Variants in NLRP5 observed in about 807,000 individuals in gnomAD.
NLRP5 encodes the protein NLR family pyrin domain containing 5.
NLRP5 carries 93 observed loss-of-function variants against 113.1 expected under a neutral mutation model. That is an observed-to-expected ratio of 0.82 (90% confidence interval 0.70 to 0.98). The LOEUF (loss-of-function observed/expected upper bound fraction) is 0.98. Ranked by LOEUF, NLRP5 falls within the 50% of genes least tolerant of loss-of-function variation. NLRP5 has a pLI of 0.00. For synonymous variants in NLRP5, 751 were observed against 600.7 expected, an observed-to-expected ratio of 1.25 and a Z score of -3.66; for missense variants, 1,808 against 1,514.3, an observed-to-expected ratio of 1.19 and a Z score of -3.22.
At chr19:55,990,376 G>A in the NLRP5 span, among the ~76,000 whole-genome samples, 1 of 151,882 alleles carries the variant, frequency 6.6e-6, no homozygotes, top group Non-Finnish European at 1.5e-5. Flanking sequence ...AAAGTCATAT[G>A]CAGTTTTTTA....
intron 13 of NLRP5, among the ~76,000 whole-genome samples, chr19:56,055,603 T>C (rs144194712): frequency 0.011 from 1,420 of 134,832 alleles, 21 homozygotes; most frequent in African/African-American, 0.036. Context: ...TGGAGTGCAG[T>C]GGCGCGATCT....
At chr19:56,061,180 AG>A (rs1050085179) in intron 14 of NLRP5, among the ~76,000 whole-genome samples, 1 of 152,160 alleles carries the variant, frequency 6.6e-6, no homozygotes, top group African/African-American at 2.4e-5. Flanking sequence ...TCATAAGTGG[AG>A]GGGGAGTCTC....
At chr19:56,040,808 C>A in intron 10 of NLRP5, 114 bp from the exon 11 acceptor site, 1 of 859,448 alleles carries the variant, frequency 1.2e-6, no homozygotes. Context: ...CATATGTCTG[C>A]AAGGACATGC....
the NLRP5 span, chr19:55,987,852 C>T: frequency 1.2e-6 from 2 of 1,614,076 alleles, no homozygotes; most frequent in South Asian, 1.1e-5. Context: ...AGCTTCTCCC[C>T]AACTCCTCAC....
intron 11 of NLRP5, among the ~76,000 whole-genome samples, chr19:56,043,349 A>G (rs1983590415): frequency 6.6e-6 from 1 of 151,742 alleles, no homozygotes; most frequent in Admixed American, 6.6e-5. Flanking sequence ...CATTTCCCTG[A>G]TTATTAGTGA....
intron 6 of NLRP5, among the ~76,000 whole-genome samples, chr19:56,024,530 C>T (rs10422886): frequency 3.8e-5 from 2 of 52,756 alleles, no homozygotes; most frequent in Non-Finnish European, 7.1e-5. Flanking sequence ...TATATGTATA[C>T]ATATGTATAT....
Position 56,061,775 on chromosome 19 carries a change from T to C in NLRP5, c.*247T>C, listed in dbSNP as rs1204572872. On this transcript the variant is annotated 3_prime_UTR_variant, in exon 15 of 15. Coordinates refer to ENST00000390649, the MANE Select transcript of NLRP5 (RefSeq NM_153447.4). Reference sequence around the variant, plus strand: ...AATGTCCGTCATATCTCAGAGCATATAGAGGGAATTAAATAAACACAAAGC... The same window carrying C: ...AATGTCCGTCATATCTCAGAGCATACAGAGGGAATTAAATAAACACAAAGC... 1 of 418,562 alleles carries C rather than the reference T, an allele frequency of 2.4e-6. No individual in the cohort carries two copies. The highest frequency in any genetic ancestry group is 4.3e-6 in the Non-Finnish European group (1 of 234,556). 25.9% of individuals were successfully genotyped at this position (418,562 alleles called of 1,614,324 possible).
chr19:56,002,518 G>A (rs1981694415), intron 1 of NLRP5, among the ~76,000 whole-genome samples: 1 of 151,360 alleles, frequency 6.6e-6, no homozygotes, highest in African/African-American at 2.4e-5. Context: ...ACAACGTGCA[G>A]GTTTGTTACA....
intron 3 of NLRP5, among the ~76,000 whole-genome samples, chr19:56,011,246 GAT>G (rs913499446): frequency 4.6e-5 from 7 of 152,020 alleles, no homozygotes; most frequent in African/African-American, 1.2e-4. Context: ...ATCACAAAAA[GAT>G]ATATATTGAA....
In NLRP5 at chr19:56,027,412, T is replaced by C. The variant is rs759635505; in HGVS notation, c.1179T>C (p.Ser393=). ...AGCCTCCGTTCACCCTCATACGCAG[T>C]CTGCTGAGGAAGGTCCTGCTCCCTG... Residue 393 remains serine, a synonymous_variant, in exon 7 of 15, where the codon AGT becomes AGC. Coordinates refer to ENST00000390649, the MANE Select transcript of NLRP5 (RefSeq NM_153447.4). 6.2e-7 allele frequency: 1 copy of C among 1,613,504 alleles called. No individual in the cohort carries two copies. The highest frequency in any genetic ancestry group is 1.1e-5 in the South Asian group (1 of 90,956).
intron 6 of NLRP5, among the ~76,000 whole-genome samples, chr19:56,025,114 AGTT>A (rs772479364): frequency 6.6e-6 from 1 of 152,140 alleles, no homozygotes; most frequent in African/African-American, 2.4e-5. Context: ...GGGACCATCT[AGTT>A]GTAGGAAAAC....
intron 3 of NLRP5, among the ~76,000 whole-genome samples, chr19:56,014,459 A>G (rs1256987903): frequency 6.9e-6 from 1 of 144,862 alleles, no homozygotes; most frequent in East Asian, 2.0e-4. Flanking sequence ...CAGCCTGGTG[A>G]CAGAGAAACG....
intron 3 of NLRP5, among the ~76,000 whole-genome samples, chr19:56,013,936 C>T (rs1297454341): frequency 1.3e-5 from 2 of 152,038 alleles, no homozygotes; most frequent in African/African-American, 4.8e-5. Context: ...TGCTTATTGG[C>T]TACTTCTGTG....
chr19:56,035,053 C>G (rs1983262048), intron 9 of NLRP5, among the ~76,000 whole-genome samples: 1 of 152,148 alleles, frequency 6.6e-6, no homozygotes, highest in African/African-American at 2.4e-5. Flanking sequence ...ATTCTCCTGC[C>G]TCAGCCTCCC....
At chr19:56,006,232 G>C (rs1270550631) in intron 2 of NLRP5, among the ~76,000 whole-genome samples, 1 of 152,018 alleles carries the variant, frequency 6.6e-6, no homozygotes, top group Non-Finnish European at 1.5e-5. Context: ...CAATGAAAAC[G>C]CTTGGACACA....
At chr19:56,004,184 C>G (rs528182358) in intron 2 of NLRP5, 89 bp downstream of exon 2, 1 of 1,361,372 alleles carries the variant, frequency 7.3e-7, no homozygotes. Flanking sequence ...GTTCAGTAAC[C>G]GGCTCCACCT....
chr19:56,014,629 A>G (rs779089969), intron 3 of NLRP5, among the ~76,000 whole-genome samples: 1 of 152,162 alleles, frequency 6.6e-6, no homozygotes, highest in Non-Finnish European at 1.5e-5. Context: ...AGAGGGTTCA[A>G]CTTCATCCTT....
At chr19:56,012,277 T>C (rs959520765) in intron 3 of NLRP5, among the ~76,000 whole-genome samples, 3 of 152,074 alleles carry the variant, frequency 2.0e-5, no homozygotes, top group African/African-American at 7.2e-5. Context: ...GCCTCCCAAG[T>C]AGCTGGGACT....
Position 56,058,235 on chromosome 19 carries a change from T to A in NLRP5, c.3300-5T>A. 6.2e-7 allele frequency: 1 copy of A among 1,611,590 alleles called. No homozygotes were observed. The highest frequency in any genetic ancestry group is 8.5e-7 in the Non-Finnish European group (1 of 1,178,618). ...GGTTATTTTCTGGGTGTCCTGACCCTGCAGGTTGAAGGCATGTGGACTGAC... is the reference window on the plus strand; with the variant it reads ...GGTTATTTTCTGGGTGTCCTGACCCAGCAGGTTGAAGGCATGTGGACTGAC... On this transcript the variant is annotated splice_polypyrimidine_tract_variant and splice_region_variant and intron_variant, in intron 13 of 14. Transcript: ENST00000390649.
Sources: allele counts gnomAD v4.1 joint callset (sites outside exome capture counted in the v4.1 genomes callset), GRCh38; gene constraint gnomAD v4.1.1; transcripts MANE v1.5; gene names NCBI Gene and HGNC (gene_info 2026-07-23, HGNC 2026-07-21).